CADM2: variants seen among roughly 807,000 people sequenced by gnomAD.
CADM2 encodes cell adhesion molecule 2, also known as immunoglobulin superfamily member 4D.
CADM2 carries 12 observed loss-of-function variants against 49.8 expected under a neutral mutation model. The observed-to-expected ratio is 0.24, with a 90% CI of 0.15 to 0.39. CADM2 has a LOEUF of 0.39. Ranked by LOEUF, CADM2 falls within the 10% of genes least tolerant of loss-of-function variation. CADM2 has a pLI of 1.00. For synonymous variants in CADM2, 214 were observed against 175.4 expected, an observed-to-expected ratio of 1.22 and a Z score of -1.74; for missense variants, 378 against 492.3, an observed-to-expected ratio of 0.77 and a Z score of 2.20.
At chr3:84,991,145 TG>T (rs2032861611) in intron 1 of CADM2, among the ~76,000 whole-genome samples, 2 of 152,120 alleles carry the variant, frequency 1.3e-5, no homozygotes, top group Non-Finnish European at 2.9e-5. Flanking sequence ...ACTCTTCTCA[TG>T]GCCTGCAAGG....
intron 1 of CADM2, among the ~76,000 whole-genome samples, chr3:85,670,387 T>A (rs1245704096): frequency 6.6e-6 from 1 of 152,104 alleles, no homozygotes; most frequent in African/African-American, 2.4e-5. Flanking sequence ...TTTTATTCCA[T>A]CTCAAATATC....
Position 85,216,103 on chromosome 3 carries a change from G to T in CADM2, c.61+256435G>T, listed in dbSNP as rs146057524. On this transcript the variant is annotated intron_variant, in intron 1 of 9. Transcript: ENST00000383699. ...TAGTTTGGGGATAGTTGTTCAATATGGTGTTCCTTCAGTGGGGGACAATCA... is the reference window on the plus strand; with the variant it reads ...TAGTTTGGGGATAGTTGTTCAATATTGTGTTCCTTCAGTGGGGGACAATCA... Among the ~76,000 whole-genome samples the T allele has an allele frequency of 3.1e-3, 465 of 151,720 alleles. 3 individuals carry two copies. Among genetic ancestry groups the T allele is most frequent in the Non-Finnish European group, 3.6e-3 (243 of 67,940 alleles).
intron 1 of CADM2, among the ~76,000 whole-genome samples, chr3:85,111,423 T>C: frequency 6.6e-6 from 1 of 151,914 alleles, no homozygotes; most frequent in South Asian, 2.1e-4. Flanking sequence ...GCCTATTATC[T>C]ATGTTTACAT....
intron 1 of CADM2, among the ~76,000 whole-genome samples, chr3:85,321,374 A>G (rs2044608973): frequency 6.6e-6 from 1 of 151,104 alleles, no homozygotes; most frequent in African/African-American, 2.4e-5. Flanking sequence ...TAGTAGACAT[A>G]GGGTTTCGTC....
intron 1 of CADM2, among the ~76,000 whole-genome samples, chr3:85,384,594 G>T (rs533911021): frequency 6.6e-6 from 1 of 151,864 alleles, no homozygotes; most frequent in African/African-American, 2.4e-5. Context: ...GTTTACAGGC[G>T]TCAGCCACCG....
intron 1 of CADM2, among the ~76,000 whole-genome samples, chr3:85,695,879 G>T (rs538543992): frequency 6.6e-6 from 1 of 152,020 alleles, no homozygotes; most frequent in African/African-American, 2.4e-5. Context: ...AACCAGCAGC[G>T]TATAAGCATT....
chr3:85,803,377 A>T (rs1223106448), intron 3 of CADM2, among the ~76,000 whole-genome samples: 1 of 152,158 alleles, frequency 6.6e-6, no homozygotes, highest in African/African-American at 2.4e-5. Flanking sequence ...TGCAAATGAA[A>T]TACATTATAT....
intron 1 of CADM2, among the ~76,000 whole-genome samples, chr3:85,516,194 T>A (rs531301814): frequency 6.6e-6 from 1 of 152,342 alleles, no homozygotes; most frequent in South Asian, 2.1e-4. Flanking sequence ...AAAGTTCTCC[T>A]AATGCAGATC....
chr3:85,105,293 A>G (rs1397505716), intron 1 of CADM2, among the ~76,000 whole-genome samples: 1 of 151,986 alleles, frequency 6.6e-6, no homozygotes, highest in Non-Finnish European at 1.5e-5. Flanking sequence ...AAGGACATGA[A>G]CAGACACTTC....
intron 1 of CADM2, among the ~76,000 whole-genome samples, chr3:85,242,222 A>G (rs1226367709): frequency 6.6e-6 from 1 of 151,460 alleles, no homozygotes; most frequent in African/African-American, 2.4e-5. Flanking sequence ...AAATCAATTC[A>G]ATATCACTTA....
At chr3:85,478,879 T>C (rs17449172) in intron 1 of CADM2, among the ~76,000 whole-genome samples, 30,150 of 151,860 alleles carry the variant, frequency 0.2, 3,791 homozygotes, top group East Asian at 0.3. Context: ...TGCTATGTGT[T>C]TTAAACATTT....
At chr3:85,870,778 G>T (rs151068599) in intron 3 of CADM2, among the ~76,000 whole-genome samples, 1 of 152,248 alleles carries the variant, frequency 6.6e-6, no homozygotes, top group African/African-American at 2.4e-5. Context: ...TAATGGGATT[G>T]CTGGGTTGAA....
chr3:86,021,661 G>T (rs1733198170), intron 8 of CADM2, among the ~76,000 whole-genome samples: 1 of 152,066 alleles, frequency 6.6e-6, no homozygotes, highest in African/African-American at 2.4e-5. Flanking sequence ...TGTCCTCCAG[G>T]CTCATCCATG....
intron 1 of CADM2, among the ~76,000 whole-genome samples, chr3:85,282,602 C>T (rs1162650706): frequency 6.6e-6 from 1 of 151,690 alleles, no homozygotes; most frequent in Non-Finnish European, 1.5e-5. Context: ...TAAACTGAAA[C>T]TTATATAGAT....
chr3:85,590,916 T>A (rs1422294398), intron 1 of CADM2, among the ~76,000 whole-genome samples: 1 of 133,578 alleles, frequency 7.5e-6, no homozygotes, highest in African/African-American at 2.6e-5. Flanking sequence ...AATTTATTTA[T>A]TTGGAAACTC....
At chr3:84,973,957 G>C (rs1194000347) in intron 1 of CADM2, among the ~76,000 whole-genome samples, 1 of 151,822 alleles carries the variant, frequency 6.6e-6, no homozygotes, top group Non-Finnish European at 1.5e-5. Context: ...AGAATACATG[G>C]GGATACCATT....
chr3:85,718,882 TTTATTATTATTATTATTATTATTA>T (rs71112111), intron 1 of CADM2, among the ~76,000 whole-genome samples: 4 of 141,338 alleles, frequency 2.8e-5, no homozygotes, highest in South Asian at 2.3e-4. Flanking sequence ...TTAATGGTAT[TTTATTATTATTATTATTATTATTA>T]TTATTATTAT....
intron 8 of CADM2, chr3:86,013,509 G>A (rs1375066921): frequency 6.2e-7 from 1 of 1,604,458 alleles, no homozygotes; most frequent in South Asian, 1.1e-5. Context: ...TGAGACAACA[G>A]CAGTTAACAC....
At chr3:85,969,438 T>C (rs2108636685) in intron 8 of CADM2, among the ~76,000 whole-genome samples, 1 of 151,520 alleles carries the variant, frequency 6.6e-6, no homozygotes, top group East Asian at 2.0e-4. Context: ...AATGCTGATC[T>C]TTGCAAGATT....
Sources: allele counts gnomAD v4.1 joint callset (sites outside exome capture counted in the v4.1 genomes callset), GRCh38; gene constraint gnomAD v4.1.1; transcripts MANE v1.5; gene names NCBI Gene and HGNC (gene_info 2026-07-23, HGNC 2026-07-21).